CHLSN: variants seen among roughly 807,000 people sequenced by gnomAD.
CHLSN encodes the protein cholesin, also known as protein cholesin.
At chr7:1,042,332 T>C in the CHLSN span, among the ~76,000 whole-genome samples, 3 of 152,200 alleles carry the variant, frequency 2.0e-5, no homozygotes, top group Non-Finnish European at 4.4e-5. Context: ...CCACGTGACT[T>C]CAACCATCAA....
the CHLSN span, among the ~76,000 whole-genome samples, chr7:1,100,055 C>T: frequency 6.6e-6 from 1 of 152,222 alleles, no homozygotes; most frequent in African/African-American, 2.4e-5. Context: ...CCGTTCTGTG[C>T]ACCGCAAGCC....
At chr7:1,125,863 A>C in the CHLSN span, among the ~76,000 whole-genome samples, 1 of 152,182 alleles carries the variant, frequency 6.6e-6, no homozygotes, top group Non-Finnish European at 1.5e-5. Flanking sequence ...CTTTATGTAG[A>C]ATCATTTGTG....
chr7:1,124,895 C>T, the CHLSN span, among the ~76,000 whole-genome samples: 6 of 152,206 alleles, frequency 3.9e-5, no homozygotes, highest in Non-Finnish European at 8.8e-5. Flanking sequence ...CTGCACCTGC[C>T]AGGCCTCAGC....
the CHLSN span, among the ~76,000 whole-genome samples, chr7:982,359 G>A: frequency 2.6e-4 from 39 of 152,358 alleles, 1 homozygote; most frequent in South Asian, 8.1e-3. Context: ...CTGTGGGGAG[G>A]GTCCCGCCTG....
At chr7:1,026,903 C>G in the CHLSN span, 3 of 152,234 alleles carry the variant, frequency 2.0e-5, no homozygotes, top group Admixed American at 6.5e-5. Flanking sequence ...TCTGTGCTGT[C>G]AGGAAACTGC....
chr7:1,059,554 G>T, the CHLSN span, among the ~76,000 whole-genome samples: 4 of 144,380 alleles, frequency 2.8e-5, no homozygotes, highest in Non-Finnish European at 6.1e-5. Context: ...GTCTTAGTGG[G>T]GCGGGTCGGT....
chr7:1,026,009 G>A, the CHLSN span: 1 of 152,220 alleles, frequency 6.6e-6, no homozygotes, highest in African/African-American at 2.4e-5. Flanking sequence ...AGAAGCAGAA[G>A]CAGGCCTCCT....
At chr7:1,054,513 G>A in the CHLSN span, among the ~76,000 whole-genome samples, 14 of 152,356 alleles carry the variant, frequency 9.2e-5, no homozygotes, top group East Asian at 7.7e-4. Context: ...TGGGACGCAC[G>A]TGAGCGCAGG....
the CHLSN span, among the ~76,000 whole-genome samples, chr7:1,108,363 C>CG: frequency 1.1e-5 from 1 of 87,022 alleles, no homozygotes; most frequent in Non-Finnish European, 2.4e-5. Context: ...TCCCGCACCC[C>CG]GGGGGGAAGC....
chr7:995,583 G>C, the CHLSN span, among the ~76,000 whole-genome samples: 1 of 152,220 alleles, frequency 6.6e-6, no homozygotes, highest in Non-Finnish European at 1.5e-5. Flanking sequence ...GTTTGTTTAA[G>C]GTGCCTCACA....
the CHLSN span, among the ~76,000 whole-genome samples, chr7:1,136,455 CATATATAAACATATATAA>C: frequency 1.0e-5 from 1 of 99,872 alleles, no homozygotes; most frequent in Non-Finnish European, 1.8e-5. Context: ...TATATATAAA[CATATATAAACATATATAA>C]ATATATAAAC....
the CHLSN span, chr7:997,437 GA>G: frequency 1.8e-6 from 1 of 541,600 alleles, no homozygotes; most frequent in Admixed American, 3.9e-5. Flanking sequence ...GGAGGGTCTG[GA>G]GGAGGGAAGG....
At chr7:984,850 G>C in the CHLSN span, 1 of 1,456,098 alleles carries the variant, frequency 6.9e-7, no homozygotes, top group Middle Eastern at 2.6e-4. Context: ...GGCCCAGCCA[G>C]TCTCGCTGCC....
At chr7:1,010,001 T>G in the CHLSN span, 2 of 1,592,882 alleles carry the variant, frequency 1.3e-6, no homozygotes, top group Middle Eastern at 1.7e-4. Flanking sequence ...GGCAGGCGGG[T>G]GCTGGGCCAC....
chr7:1,033,815 G>C, the CHLSN span, among the ~76,000 whole-genome samples: 2 of 152,040 alleles, frequency 1.3e-5, no homozygotes, highest in African/African-American at 4.8e-5. Flanking sequence ...CCTCCTGAGT[G>C]AGGGGAGGAG....
the CHLSN span, among the ~76,000 whole-genome samples, chr7:1,133,409 A>AAAAAAAAAAC: frequency 1.3e-3 from 195 of 149,462 alleles, 3 homozygotes; most frequent in East Asian, 0.016. Flanking sequence ...AAAAAAAAAA[A>AAAAAAAAAAC]AAAACTATAA....
At chr7:1,136,144 A>G in the CHLSN span, among the ~76,000 whole-genome samples, 9 of 112,754 alleles carry the variant, frequency 8.0e-5, no homozygotes, top group African/African-American at 2.9e-4. Flanking sequence ...ATACATAAAT[A>G]TATAAATATA....
chr7:1,019,211 A>AG, the CHLSN span, among the ~76,000 whole-genome samples: 116 of 43,686 alleles, frequency 2.7e-3, 1 homozygote, highest in Non-Finnish European at 3.2e-3. Flanking sequence ...AAAAAAAAAA[A>AG]CGGGGGGGGG....
chr7:1,136,197 C>T, the CHLSN span, among the ~76,000 whole-genome samples: 3 of 91,778 alleles, frequency 3.3e-5, no homozygotes, highest in African/African-American at 1.2e-4. Flanking sequence ...TAAATATATA[C>T]ACAAATATAT....
Sources: allele counts gnomAD v4.1 joint callset (sites outside exome capture counted in the v4.1 genomes callset), GRCh38; gene constraint gnomAD v4.1.1; transcripts MANE v1.5; gene names NCBI Gene and HGNC (gene_info 2026-07-23, HGNC 2026-07-21).